ARHGEF18: variants seen among roughly 807,000 people sequenced by gnomAD.
The protein encoded by ARHGEF18 is rho guanine nucleotide exchange factor 18.
In ARHGEF18, 93 loss-of-function variants were observed where a neutral mutation model predicts 155.7. The ratio of observed to expected loss-of-function variants is 0.60; its 90% CI spans 0.50 to 0.71. The LOEUF is 0.71. Among genes scored for constraint, ARHGEF18 ranks in the 30% least tolerant of loss-of-function variants. The pLI is 0.00. For synonymous variants in ARHGEF18, 742 were observed against 753.1 expected, an observed-to-expected ratio of 0.99 and a Z score of 0.24; for missense variants, 1,593 against 1,816.1, an observed-to-expected ratio of 0.88 and a Z score of 2.23.
At chr19:7,354,404 A>C (rs1207290070) in intron 1 of ARHGEF18, among the ~76,000 whole-genome samples, 1 of 151,732 alleles carries the variant, frequency 6.6e-6, no homozygotes, top group East Asian at 1.9e-4. Context: ...GGGGCTGGGA[A>C]GTAATGTAAA....
rs148028629 is a variant in ARHGEF18 at position 7,393,007 on chromosome 19, AC to A, written c.967+9805del. ...AGCTGCAATGAGCTATGATTGTGCC[AC>A]TGCACTTCCAGCCTAAGTGACAGAG... is the stretch of plus-strand genomic sequence containing the variant. On this transcript the variant is annotated intron_variant, in intron 10 of 28. Coordinates refer to ENST00000668164, the MANE Select transcript of ARHGEF18 (RefSeq NM_001367823.1). 4.1e-3 allele frequency among the ~76,000 whole-genome samples: 583 copies of A among 140,822 alleles called. 33 individuals are homozygous for A. The East Asian group carries it at 0.11, about 26-fold the overall frequency. 92.4% of individuals were successfully genotyped at this position (140,822 alleles called of 152,430 possible). A position where few individuals can be genotyped will look rare whatever the true frequency, so the allele number is the denominator to read the frequency against.
At chr19:7,424,805 C>A (rs899978876) in intron 10 of ARHGEF18, among the ~76,000 whole-genome samples, 1 of 151,980 alleles carries the variant, frequency 6.6e-6, no homozygotes, top group Non-Finnish European at 1.5e-5. Context: ...ACCATCCTGG[C>A]CAACATGGTG....
intron 14 of ARHGEF18, 133 bp from the exon 15 acceptor site, chr19:7,446,910 A>G (rs1975032393): frequency 2.9e-6 from 3 of 1,018,718 alleles, no homozygotes; most frequent in Non-Finnish European, 3.9e-6. Context: ...AAAAAAAAAA[A>G]AGAAGAAGAA....
At chr19:7,439,217 G>A (rs546494389) in intron 10 of ARHGEF18, among the ~76,000 whole-genome samples, 1 of 151,800 alleles carries the variant, frequency 6.6e-6, no homozygotes, top group East Asian at 1.9e-4. Flanking sequence ...CATCTTGGGA[G>A]GCCCAAAGCA....
At chr19:7,475,548 A>ACAAC (rs2145939631), downstream of ARHGEF18, among the ~76,000 whole-genome samples, 2 of 149,714 alleles carry the variant, frequency 1.3e-5, no homozygotes, top group African/African-American at 4.8e-5. Flanking sequence ...ACACACAACC[A>ACAAC]CACACACACA....
At chr19:7,354,670 C>T (rs916345905) in intron 1 of ARHGEF18, among the ~76,000 whole-genome samples, 7 of 144,268 alleles carry the variant, frequency 4.9e-5, no homozygotes, top group Non-Finnish European at 8.0e-5. Context: ...GAGGCCGCGG[C>T]AGGAGGATCG....
rs919916660 is a variant in ARHGEF18, at chr19:7,407,593, G to A, written c.967+24390G>A. 5.3e-5 allele frequency among the ~76,000 whole-genome samples: 8 copies of A among 152,186 alleles called. 1 individual carries two copies. The highest frequency in any genetic ancestry group is 1.9e-4 in the African/African-American group (8 of 41,544). On this transcript the variant is annotated intron_variant, in intron 10 of 28. Transcript: ENST00000668164. ...TCTGCACATCAGGGATAGAGCATTG[G>A]GAGTTCCCAGACTGCATGAGCCCAG...
intron 15 of ARHGEF18, 150 bp downstream of exon 15, chr19:7,447,318 G>A (rs1271287225): frequency 7.6e-6 from 5 of 655,918 alleles, no homozygotes; most frequent in East Asian, 3.7e-5. Context: ...GTGAAACCCC[G>A]TCTCTATTAA....
intron 17 of ARHGEF18, 89 bp from the exon 18 acceptor site, chr19:7,456,238 T>C (rs1975816453): frequency 8.4e-7 from 1 of 1,187,280 alleles, no homozygotes; most frequent in South Asian, 1.2e-5. Context: ...TGCTTACACC[T>C]TCCTGGGAAG....
intron 1 of ARHGEF18, among the ~76,000 whole-genome samples, chr19:7,362,381 T>C (rs901305543): frequency 5.3e-5 from 8 of 151,940 alleles, no homozygotes; most frequent in Non-Finnish European, 8.8e-5. Flanking sequence ...CATTGGGTAC[T>C]TGCATTTGGT....
At chr19:7,417,056 C>T (rs1037677258) in intron 10 of ARHGEF18, among the ~76,000 whole-genome samples, 3 of 152,024 alleles carry the variant, frequency 2.0e-5, no homozygotes, top group Non-Finnish European at 1.5e-5. Flanking sequence ...ATTACAGGCA[C>T]GCACCACCAC....
intron 7 of ARHGEF18, among the ~76,000 whole-genome samples, chr19:7,380,242 G>A (rs149950725): frequency 0.015 from 2,257 of 152,058 alleles, 63 homozygotes; most frequent in African/African-American, 0.053. Flanking sequence ...ACTTTGGGAG[G>A]CCAAGGCGGG....
intron 10 of ARHGEF18, among the ~76,000 whole-genome samples, chr19:7,434,811 C>T (rs765264245): frequency 2.3e-4 from 35 of 152,166 alleles, no homozygotes; most frequent in Non-Finnish European, 5.9e-5. Flanking sequence ...TTTATTGAGA[C>T]GTAATTCACA....
At chr19:7,425,061 T>C (rs541037675) in intron 10 of ARHGEF18, among the ~76,000 whole-genome samples, 34 of 152,102 alleles carry the variant, frequency 2.2e-4, no homozygotes, top group Non-Finnish European at 4.1e-4. Flanking sequence ...CATGAGCCCT[T>C]ATCAGTATTT....
downstream of ARHGEF18, chr19:7,473,185 C>T (rs568975687): frequency 8.8e-6 from 4 of 456,100 alleles, no homozygotes; most frequent in South Asian, 3.1e-5. Context: ...GTCTGAGTCC[C>T]GGTCCAGTGA....
At chr19:7,388,274 AAT>A (rs1971194008) in intron 10 of ARHGEF18, among the ~76,000 whole-genome samples, 1 of 151,946 alleles carries the variant, frequency 6.6e-6, no homozygotes, top group South Asian at 2.1e-4. Flanking sequence ...ATTTTTTAAA[AAT>A]AGAGACAAGG....
chr19:7,433,662 C>T (rs1238862891), intron 10 of ARHGEF18, among the ~76,000 whole-genome samples: 3 of 151,892 alleles, frequency 2.0e-5, no homozygotes, highest in African/African-American at 7.3e-5. Flanking sequence ...GAGGACAAAG[C>T]CTGTGGCTTA....
chr19:7,402,168 C>T (rs1972048743), intron 10 of ARHGEF18, among the ~76,000 whole-genome samples: 2 of 152,144 alleles, frequency 1.3e-5, no homozygotes, highest in South Asian at 4.1e-4. Context: ...TGCCTGTAAT[C>T]CCAGCACTTT....
chr19:7,478,173 C>A, the ARHGEF18 span: 1 of 856,562 alleles, frequency 1.2e-6, no homozygotes, highest in Admixed American at 2.4e-5. Flanking sequence ...GGTACCGCCA[C>A]CCACCAGAGG....
Sources: allele counts gnomAD v4.1 joint callset (sites outside exome capture counted in the v4.1 genomes callset), GRCh38; gene constraint gnomAD v4.1.1; transcripts MANE v1.5; gene names NCBI Gene and HGNC (gene_info 2026-07-23, HGNC 2026-07-21).